Variants in TTC8 observed in about 807,000 individuals in gnomAD.
TTC8 encodes the protein tetratricopeptide repeat domain 8, also known as tetratricopeptide repeat protein 8.
Under a neutral mutation model 72.5 loss-of-function variants are expected in TTC8, and 47 were observed. The ratio of observed to expected loss-of-function variants is 0.65; its 90% CI spans 0.51 to 0.83. The LOEUF is 0.83. Among genes scored for constraint, TTC8 ranks in the 40% least tolerant of loss-of-function variants. TTC8 has a pLI of 0.00. For synonymous variants in TTC8, 199 were observed against 221.4 expected (o/e 0.90, Z 0.90); for missense variants, 611 against 623.2 (o/e 0.98, Z 0.21).
rs936706687 is a variant in TTC8, at chr14:88,868,604, A to G, written c.910-1455A>G. 6.6e-5 allele frequency among the ~76,000 whole-genome samples: 10 copies of G among 152,328 alleles called. No individual in the cohort carries two copies. The East Asian group carries it at 9.6e-4, about 15-fold the overall frequency. On this transcript the variant is annotated intron_variant, in intron 10 of 14. Coordinates refer to ENST00000380656, the MANE Select transcript of TTC8 (RefSeq NM_144596.4). ...AAAACACATTTTTTTTCACATTTTA[A>G]CATCTCTGAACTTGAGATACATCTT... is the stretch of plus-strand genomic sequence containing the variant.
intron 9 of TTC8, 123 bp downstream of exon 9, chr14:88,857,400 T>A: frequency 1.2e-6 from 1 of 864,240 alleles, no homozygotes; most frequent in Non-Finnish European, 1.9e-6. Flanking sequence ...TGTTTAGATT[T>A]AACTTGTTTT....
chr14:88,839,527 AT>A lies in TTC8; in HGVS notation c.222del (p.Ile74MetfsTer4). 6.2e-7 allele frequency: 1 copy of A among 1,613,360 alleles called. No homozygotes were observed. Among genetic ancestry groups the A allele is most frequent in the East Asian group, 2.2e-5 (1 of 44,726 alleles). ...TGAAATTGATGTAGATCAGGAAGGA[AT>A]TGCAGAAATGATGCTGGATGAAAAT... is the stretch of plus-strand genomic sequence containing the variant. ...IDEIDVDQEG[I>X]AEMMLDENAI... On this transcript the variant is annotated frameshift_variant, in exon 3 of 15. Transcript: ENST00000380656. LOFTEE classifies it high-confidence loss of function.
chr14:88,846,079 G>A (rs1405601384), intron 7 of TTC8, among the ~76,000 whole-genome samples: 1 of 152,142 alleles, frequency 6.6e-6, no homozygotes, highest in South Asian at 2.1e-4. Context: ...GGCTGAGGCA[G>A]GTGTATCACT....
At chr14:88,880,171 G>T (rs1385775310), downstream of TTC8, 1 of 152,158 alleles carries the variant, frequency 6.6e-6, no homozygotes, top group Non-Finnish European at 1.5e-5. Flanking sequence ...TGTATTCTAG[G>T]AAATAGAGAA....
intron 10 of TTC8, among the ~76,000 whole-genome samples, chr14:88,862,235 A>G (rs1274883631): frequency 6.6e-6 from 1 of 152,020 alleles, no homozygotes; most frequent in East Asian, 1.9e-4. Flanking sequence ...CCGGATGATT[A>G]GTAATGTTGA....
chr14:88,872,784 C>G (rs1394804963), intron 13 of TTC8, among the ~76,000 whole-genome samples: 1 of 152,168 alleles, frequency 6.6e-6, no homozygotes, highest in Non-Finnish European at 1.5e-5. Flanking sequence ...CGAAACTTCT[C>G]TCTTTTTATT....
In TTC8 at chr14:88,871,815, G is replaced by C; in HGVS notation, c.1224+92G>C. On this transcript the variant is annotated intron_variant, in intron 12 of 14. Transcript: ENST00000380656. The surrounding 1 kb of genome is among the most constrained non-coding windows in gnomAD (Gnocchi z 4.1). ...GCCTATAATTCCAGCATTTTGGGAG[G>C]CTGAAGCAGGAGGATTGCTTGAGCC... 1 of 1,436,510 alleles carries C rather than the reference G, an allele frequency of 7.0e-7. No individual in the cohort carries two copies. The highest frequency in any genetic ancestry group is 9.7e-7 in the Non-Finnish European group (1 of 1,025,790). The allele number at this position is 1,436,510 out of a possible 1,614,324, so 89.0% of individuals were successfully genotyped here. A position where few individuals can be genotyped will look rare whatever the true frequency, so the allele number is the denominator to read the frequency against.
At chr14:88,838,283 T>C (rs1211014574) in intron 2 of TTC8, among the ~76,000 whole-genome samples, 1 of 152,226 alleles carries the variant, frequency 6.6e-6, no homozygotes, top group Non-Finnish European at 1.5e-5. Flanking sequence ...TTAGGATCCG[T>C]GTTTTAATCT....
intron 14 of TTC8, among the ~76,000 whole-genome samples, chr14:88,876,612 C>T (rs1308211153): frequency 1.3e-5 from 2 of 152,054 alleles, no homozygotes; most frequent in African/African-American, 2.4e-5. Flanking sequence ...ATTGCATGTA[C>T]CTCATAAATA....
Position 88,824,684 on chromosome 14 carries a change from C to G in TTC8, c.-24C>G. 6.4e-7 allele frequency: 1 copy of G among 1,572,710 alleles called. No individual in the cohort carries two copies. The highest frequency in any genetic ancestry group is 8.6e-7 in the Non-Finnish European group (1 of 1,156,168). On this transcript the variant is annotated 5_prime_UTR_variant, in exon 1 of 15. Coordinates refer to ENST00000380656, the MANE Select transcript of TTC8 (RefSeq NM_144596.4). Reference sequence around the variant, plus strand: ...CCCACCTCTCTCCTGGAGCGCTGGGCCTTCGCTGGCCGCACCGGCAGCCAT... The same window carrying G: ...CCCACCTCTCTCCTGGAGCGCTGGGGCTTCGCTGGCCGCACCGGCAGCCAT...
chr14:88,839,189 A>G lies in TTC8; in HGVS notation c.145-263A>G, dbSNP rs537902094. 3.3e-5 allele frequency among the ~76,000 whole-genome samples: 5 copies of G among 152,302 alleles called. No homozygotes were observed. The South Asian group carries it at 1.0e-3, about 32-fold the overall frequency. On this transcript the variant is annotated intron_variant, in intron 2 of 14. Transcript: ENST00000380656. ...TCTCTAAAGATCTATCTTTTTATTT[A>G]TAAAAAGGAGTGATAGAAGACTACC...
At chr14:88,858,474 A>G (rs1358299943) in intron 9 of TTC8, among the ~76,000 whole-genome samples, 1 of 152,260 alleles carries the variant, frequency 6.6e-6, no homozygotes, top group Admixed American at 6.5e-5. Context: ...ACATATGAAA[A>G]GCAAAATGAA....
intron 10 of TTC8, among the ~76,000 whole-genome samples, chr14:88,869,790 T>C (rs1445102035): frequency 6.6e-6 from 1 of 152,098 alleles, no homozygotes; most frequent in Non-Finnish European, 1.5e-5. Context: ...CTCTCCCTGC[T>C]CTCTCTCTCC....
At chr14:88,845,633 T>C (rs1037606656) in intron 7 of TTC8, among the ~76,000 whole-genome samples, 1 of 152,224 alleles carries the variant, frequency 6.6e-6, no homozygotes, top group Non-Finnish European at 1.5e-5. Context: ...TATAAAATTA[T>C]ATGGTCAAAC....
chr14:88,878,077 T>C (rs928572229), downstream of TTC8: 1 of 152,234 alleles, frequency 6.6e-6, no homozygotes, highest in Non-Finnish European at 1.5e-5. Flanking sequence ...GAAATCATCA[T>C]TATTTTAATT....
chr14:88,826,015 C>T (rs2094698415), intron 1 of TTC8, among the ~76,000 whole-genome samples: 1 of 151,316 alleles, frequency 6.6e-6, no homozygotes, highest in South Asian at 2.1e-4. Context: ...CGGAGTCTCG[C>T]TCTGTCGCCC....
At chr14:88,849,577 A>G (rs138995183) in intron 7 of TTC8, among the ~76,000 whole-genome samples, 1 of 152,298 alleles carries the variant, frequency 6.6e-6, no homozygotes, top group African/African-American at 2.4e-5. Context: ...TTAAGAAAGT[A>G]TAAAATTGAT....
Position 88,864,049 on chromosome 14 carries a change from G to A in TTC8, c.909+2717G>A, listed in dbSNP as rs372789706. Among the ~76,000 whole-genome samples the A allele has an allele frequency of 3.1e-4, 47 of 152,022 alleles. 1 individual carries two copies. Among genetic ancestry groups the A allele is most frequent in the African/African-American group, 9.2e-4 (38 of 41,476 alleles). Reference sequence around the variant, plus strand: ...TCTTGAAATTCCTTGAAAATGCTAGGTATGATATTTTGAAATCATTTTGTT... The same window carrying A: ...TCTTGAAATTCCTTGAAAATGCTAGATATGATATTTTGAAATCATTTTGTT... On this transcript the variant is annotated intron_variant, in intron 10 of 14. Coordinates refer to ENST00000380656, the MANE Select transcript of TTC8 (RefSeq NM_144596.4).
Position 88,869,767 on chromosome 14 carries a change from C to T in TTC8, c.910-292C>T, listed in dbSNP as rs2094925909. On this transcript the variant is annotated intron_variant, in intron 10 of 14. Coordinates refer to ENST00000380656, the MANE Select transcript of TTC8 (RefSeq NM_144596.4). The stretch of plus-strand genomic sequence containing the variant: ...TCCAAAGTGGCCCCTTCCGCCACCC[C>T]TTCTGAAGCACACTCTCCCTGCTCT... Among the ~76,000 whole-genome samples the T allele has an allele frequency of 5.3e-5, 8 of 152,162 alleles. 1 individual carries two copies. Among genetic ancestry groups the T allele is most frequent in the Admixed American group, 3.9e-4 (6 of 15,268 alleles).
Sources: allele counts gnomAD v4.1 joint callset (sites outside exome capture counted in the v4.1 genomes callset), GRCh38; gene constraint gnomAD v4.1.1; non-coding constraint Gnocchi (gnomAD v3.1); transcripts MANE v1.5; gene names NCBI Gene and HGNC (gene_info 2026-07-23, HGNC 2026-07-21).